The following ATXN3 variants were observed in gnomAD, a reference collection of about 807,000 sequenced individuals.
ATXN3 encodes the protein ataxin-3.
Under a neutral mutation model 58.2 loss-of-function variants are expected in ATXN3, and 28 were observed. The ratio of observed to expected loss-of-function variants is 0.48; its 90% CI spans 0.36 to 0.66. ATXN3 has a LOEUF of 0.66. Ranked by LOEUF, ATXN3 falls within the 30% of genes least tolerant of loss-of-function variation. The pLI is 0.00. For synonymous variants in ATXN3, 113 were observed against 138.5 expected (o/e 0.82, Z 1.29); for missense variants, 321 against 422.1 (o/e 0.76, Z 2.10).
At chr14:92,074,618 T>A (rs2060027559) in intron 9 of ATXN3, among the ~76,000 whole-genome samples, 1 of 152,216 alleles carries the variant, frequency 6.6e-6, no homozygotes, top group Non-Finnish European at 1.5e-5. Flanking sequence ...TGTGGTACTG[T>A]GGAGGCCTGG....
intron 9 of ATXN3, among the ~76,000 whole-genome samples, chr14:92,078,342 TTTAAG>T (rs2060809686): frequency 7.0e-6 from 1 of 143,002 alleles, no homozygotes; most frequent in African/African-American, 2.6e-5. Flanking sequence ...ATTAAGTAGA[TTTAAG>T]TTATTTTTTA....
chr14:92,055,726 C>T (rs1419457023), downstream of ATXN3, among the ~76,000 whole-genome samples: 10 of 152,180 alleles, frequency 6.6e-5, no homozygotes, highest in Non-Finnish European at 1.3e-4. The surrounding 1 kb of genome is among the most constrained non-coding windows in gnomAD (Gnocchi z 4.5). Context: ...TTTGGGAGGC[C>T]GAGGCGGGTG....
intron 9 of ATXN3, among the ~76,000 whole-genome samples, chr14:92,076,858 T>G (rs1200454135): frequency 7.1e-6 from 1 of 141,238 alleles, no homozygotes; most frequent in Admixed American, 7.6e-5. Context: ...AATAATCGCT[T>G]AAACTCAGGA....
chr14:92,053,953 C>G (rs1307595663), downstream of ATXN3, among the ~76,000 whole-genome samples: 1 of 151,218 alleles, frequency 6.6e-6, no homozygotes, highest in Non-Finnish European at 1.5e-5. Flanking sequence ...TTTTTTCCCC[C>G]GAGACGGAGT....
chr14:92,084,093 G>C (rs2061948600), intron 6 of ATXN3, among the ~76,000 whole-genome samples: 1 of 152,082 alleles, frequency 6.6e-6, no homozygotes. Context: ...TTTGGGACTT[G>C]GACTGGCTTC....
intron 8 of ATXN3, among the ~76,000 whole-genome samples, 188 bp from the exon 9 acceptor site, chr14:92,081,249 A>G (rs2140708261): frequency 6.6e-6 from 1 of 152,212 alleles, no homozygotes; most frequent in Non-Finnish European, 1.5e-5. Context: ...AGGCAGGTGG[A>G]TCACCTGAGG....
chr14:92,089,654 T>A lies in ATXN3; in HGVS notation c.388-837A>T, dbSNP rs993040869. The stretch of plus-strand genomic sequence containing the variant: ...CGCCCGGCCCTGTTAGATACTTTTT[T>A]AAAAACAACAGTTTGCTTTAAACTA... On this transcript the variant is annotated intron_variant, in intron 5 of 10. Transcript: ENST00000644486. 3.3e-4 allele frequency among the ~76,000 whole-genome samples: 50 copies of A among 152,276 alleles called. 1 individual carries two copies. The highest frequency in any genetic ancestry group is 4.9e-4 in the Non-Finnish European group (33 of 68,030).
intron 10 of ATXN3, among the ~76,000 whole-genome samples, chr14:92,069,150 C>T (rs909006049): frequency 1.4e-5 from 2 of 147,058 alleles, no homozygotes; most frequent in Non-Finnish European, 1.5e-5. Flanking sequence ...ACAATCTTGG[C>T]TCACTGCAAT....
chr14:92,046,475 G>C (rs1156549481), intron 2 of ATXN3, among the ~76,000 whole-genome samples: 2 of 152,208 alleles, frequency 1.3e-5, no homozygotes, highest in African/African-American at 4.8e-5. Flanking sequence ...AAGTTGTTTG[G>C]ACAGAAAGGC....
chr14:92,104,664 G>T (rs567881420), intron 1 of ATXN3, among the ~76,000 whole-genome samples: 15 of 152,190 alleles, frequency 9.9e-5, no homozygotes, highest in Admixed American at 7.2e-4. Context: ...GGTGGCTCAC[G>T]CCTGTAATCC....
chr14:92,057,795 A>G (rs723303), downstream of ATXN3, among the ~76,000 whole-genome samples: 10,086 of 152,216 alleles, frequency 0.066, 496 homozygotes, highest in Non-Finnish European at 0.095. Context: ...AGCACTTAAA[A>G]ATTTGATGTG....
chr14:92,079,512 T>C (rs956926182), intron 9 of ATXN3: 4 of 840,668 alleles, frequency 4.8e-6, no homozygotes, highest in Non-Finnish European at 5.7e-6. Flanking sequence ...TTCTTCATTA[T>C]ACCATCAAAT....
At chr14:92,075,336 T>G (rs2060180204) in intron 9 of ATXN3, among the ~76,000 whole-genome samples, 1 of 152,058 alleles carries the variant, frequency 6.6e-6, no homozygotes, top group African/African-American at 2.4e-5. Flanking sequence ...GGCTAATTTT[T>G]TTGTATTTTT....
downstream of ATXN3, among the ~76,000 whole-genome samples, chr14:92,057,553 C>A (rs2057485813): frequency 1.3e-5 from 2 of 152,076 alleles, no homozygotes; most frequent in Non-Finnish European, 2.9e-5. Flanking sequence ...TATGGACTTG[C>A]CCTGAATTCA....
intron 5 of ATXN3, 26 bp from the exon 6 acceptor site, chr14:92,088,843 G>A: frequency 7.3e-7 from 1 of 1,370,650 alleles, no homozygotes; most frequent in African/African-American, 1.4e-5. Flanking sequence ...CAATATTTAA[G>A]TTAGTGTATA....
chr14:92,072,305 A>C (rs1415217971), intron 9 of ATXN3, among the ~76,000 whole-genome samples: 2 of 152,210 alleles, frequency 1.3e-5, no homozygotes, highest in Non-Finnish European at 2.9e-5. Context: ...AAGGCCAATA[A>C]TTGGGGAATC....
intron 2 of ATXN3, 115 bp from the exon 3 acceptor site, chr14:92,096,252 A>T: frequency 2.5e-6 from 4 of 1,595,970 alleles, no homozygotes; most frequent in Non-Finnish European, 3.4e-6. Context: ...TTCCAAAGTT[A>T]ACAGCACAGT....
Position 92,059,351 on chromosome 14 carries a change from A to G in ATXN3, c.*4969T>C, listed in dbSNP as rs2057586623. On this transcript the variant is annotated 3_prime_UTR_variant, in exon 11 of 11. Coordinates refer to ENST00000644486, the MANE Select transcript of ATXN3 (RefSeq NM_004993.6). Reference sequence around the variant, plus strand: ...CAAAGCCAGGTCATTTTTTAAAGCAAAAAGATGCTGGTTATAAAGGGGCCA... The same window carrying G: ...CAAAGCCAGGTCATTTTTTAAAGCAGAAAGATGCTGGTTATAAAGGGGCCA... The G allele has an allele frequency of 6.6e-6, 1 of 152,216 alleles. No homozygotes were observed. Among genetic ancestry groups the G allele is most frequent in the Non-Finnish European group, 1.5e-5 (1 of 68,040 alleles). The allele number at this position is 152,216 out of a possible 1,614,324, so 9.4% of individuals were successfully genotyped here.
At chr14:92,078,157 T>C (rs1174778105) in intron 9 of ATXN3, among the ~76,000 whole-genome samples, 2 of 151,732 alleles carry the variant, frequency 1.3e-5, no homozygotes, top group Non-Finnish European at 2.9e-5. Context: ...GTATTTTTAG[T>C]GGAGACAGGG....
Sources: allele counts gnomAD v4.1 joint callset (sites outside exome capture counted in the v4.1 genomes callset), GRCh38; gene constraint gnomAD v4.1.1; non-coding constraint Gnocchi (gnomAD v3.1); transcripts MANE v1.5; gene names NCBI Gene and HGNC (gene_info 2026-07-23, HGNC 2026-07-21).